The following EPB41L4A variants were observed in gnomAD, a reference collection of about 807,000 sequenced individuals.
EPB41L4A encodes band 4.1-like protein 4A.
EPB41L4A carries 100 observed loss-of-function variants against 108.6 expected under a neutral mutation model. The observed-to-expected ratio is 0.92, with a 90% confidence interval of 0.78 to 1.09. EPB41L4A has a LOEUF of 1.09. Ranked by LOEUF, EPB41L4A falls within the 50% of genes least tolerant of loss-of-function variation. The pLI is 0.00. For synonymous variants in EPB41L4A, 319 were observed against 289.0 expected (o/e 1.10, Z -1.05); for missense variants, 1,030 against 842.7 (o/e 1.22, Z -2.75).
At position 112,266,266 on chromosome 5, in the gene EPB41L4A, T is replaced by G; in HGVS notation, c.400A>C (p.Thr134Pro). 1 of 1,611,226 alleles carries G rather than the reference T, an allele frequency of 6.2e-7. No homozygotes were observed. The highest frequency in any genetic ancestry group is 8.5e-7 in the Non-Finnish European group (1 of 1,178,962). Reference sequence around the variant, plus strand: ...GCATACGCTCCCAGCTGAGCAGCAGTGTTGACGGGACAGGGCAGACGGCCC... The same window carrying G: ...GCATACGCTCCCAGCTGAGCAGCAGGGTTGACGGGACAGGGCAGACGGCCC... ...LQGRLPCPVN[T>P]AAQLGAYAIQ... Residue 134 changes from threonine to proline, a missense_variant, in exon 5 of 23, where the codon ACT becomes CCT. Coordinates refer to ENST00000261486, the MANE Select transcript of EPB41L4A (RefSeq NM_022140.5).
intron 1 of EPB41L4A, among the ~76,000 whole-genome samples, chr5:112,312,116 T>C (rs1029725031): frequency 2.6e-5 from 4 of 152,206 alleles, no homozygotes; most frequent in Admixed American, 2.6e-4. Flanking sequence ...CAAATAAAGA[T>C]AATAGATTTA....
chr5:112,283,315 A>G (rs889891897), intron 2 of EPB41L4A, among the ~76,000 whole-genome samples: 2 of 152,186 alleles, frequency 1.3e-5, no homozygotes, highest in African/African-American at 2.4e-5. Context: ...ATAAATGCCC[A>G]AGAACATAAA....
chr5:112,403,015 C>A (rs1761868243), intron 1 of EPB41L4A, among the ~76,000 whole-genome samples: 1 of 145,928 alleles, frequency 6.9e-6, no homozygotes. Context: ...CACACACACA[C>A]ACACAAAACC....
intron 2 of EPB41L4A, among the ~76,000 whole-genome samples, chr5:112,291,093 C>A (rs139579704): frequency 6.6e-6 from 1 of 152,292 alleles, no homozygotes; most frequent in African/African-American, 2.4e-5. Flanking sequence ...TCAAACCCAA[C>A]ATATGCAAAT....
At chr5:112,212,794 G>T (rs956139462) in intron 12 of EPB41L4A, among the ~76,000 whole-genome samples, 2 of 152,008 alleles carry the variant, frequency 1.3e-5, no homozygotes, top group African/African-American at 4.8e-5. Context: ...GCTGAGTAAA[G>T]GTGAACATCC....
Position 112,392,401 on chromosome 5 carries a change from C to CAAA in EPB41L4A, c.99+26537_99+26539dup, listed in dbSNP as rs56256606. On this transcript the variant is annotated intron_variant, in intron 1 of 22. Coordinates refer to ENST00000261486, the MANE Select transcript of EPB41L4A (RefSeq NM_022140.5). ...GAAGATCTACCAAGCAAATGGAAAG[C>CAAA]AAAAAAAAAAAAAAAAAAAAAAAGC... 6.8e-3 allele frequency among the ~76,000 whole-genome samples: 243 copies of CAAA among 35,826 alleles called. 1 individual carries two copies. Among genetic ancestry groups the CAAA allele is most frequent in the East Asian group, 0.013 (11 of 830 alleles). 23.5% of individuals were successfully genotyped at this position (35,826 alleles called of 152,430 possible).
intron 1 of EPB41L4A, among the ~76,000 whole-genome samples, chr5:112,381,209 T>C (rs1194849482): frequency 6.6e-6 from 1 of 152,196 alleles, no homozygotes; most frequent in African/African-American, 2.4e-5. Context: ...GGTTTTTAAA[T>C]CAAATGAGAT....
At chr5:112,352,428 G>A (rs1251495065) in intron 1 of EPB41L4A, among the ~76,000 whole-genome samples, 1 of 152,112 alleles carries the variant, frequency 6.6e-6, no homozygotes, top group Admixed American at 6.5e-5. Context: ...AGCTCCTCAT[G>A]TTATTGATTT....
At chr5:112,392,754 C>A (rs1299166290) in intron 1 of EPB41L4A, 7 of 152,206 alleles carry the variant, frequency 4.6e-5, no homozygotes, top group Non-Finnish European at 1.0e-4. Flanking sequence ...TAGACATCTA[C>A]AGAACTCTCC....
At chr5:112,348,899 T>C (rs1340739703) in intron 1 of EPB41L4A, among the ~76,000 whole-genome samples, 4 of 152,186 alleles carry the variant, frequency 2.6e-5, no homozygotes, top group Admixed American at 2.6e-4. Context: ...CTGAGGAGTT[T>C]CAAATGAAGA....
At chr5:112,296,522 T>A (rs1285208603) in intron 2 of EPB41L4A, among the ~76,000 whole-genome samples, 1 of 152,180 alleles carries the variant, frequency 6.6e-6, no homozygotes, top group African/African-American at 2.4e-5. Flanking sequence ...TCCAGGAATA[T>A]ATTATAATGG....
chr5:112,323,459 G>C (rs1428168830), intron 1 of EPB41L4A, among the ~76,000 whole-genome samples: 4 of 152,154 alleles, frequency 2.6e-5, no homozygotes, highest in African/African-American at 9.7e-5. Flanking sequence ...AGGGAACTCT[G>C]ACCCAAGAAG....
intron 9 of EPB41L4A, among the ~76,000 whole-genome samples, chr5:112,244,211 G>C (rs993407902): frequency 5.9e-5 from 9 of 152,196 alleles, no homozygotes; most frequent in Admixed American, 6.5e-5. Flanking sequence ...GACAGGGAGA[G>C]AGACAGGGAA....
chr5:112,312,099 G>T (rs1010261332), intron 1 of EPB41L4A, among the ~76,000 whole-genome samples: 1 of 152,178 alleles, frequency 6.6e-6, no homozygotes, highest in African/African-American at 2.4e-5. Context: ...AGAAATGTTA[G>T]GGTTTTCAAA....
chr5:112,239,716 A>G lies in EPB41L4A; in HGVS notation c.909T>C (p.Asn303=), dbSNP rs761235022. ...TFFRMPENES[N]SLSRKLSKFG... ...ACTTGCTGAGTTTTCTTGACAGTGA[A>G]TTGGATTCATTTTCTGGCATTCTAA... The change falls in exon 11 of 23, where the codon AAT becomes AAC. Residue 303 remains asparagine, a synonymous_variant. Transcript: ENST00000261486. 6.2e-7 allele frequency: 1 copy of G among 1,609,346 alleles called. No homozygotes were observed. Among genetic ancestry groups the G allele is most frequent in the Non-Finnish European group, 8.5e-7 (1 of 1,177,596 alleles).
intron 12 of EPB41L4A, among the ~76,000 whole-genome samples, chr5:112,231,770 C>A (rs956930396): frequency 2.7e-5 from 3 of 110,742 alleles, no homozygotes; most frequent in African/African-American, 1.0e-4. Context: ...CCGGCCTGGG[C>A]GACAGAGCTA....
chr5:112,169,336 G>A lies in EPB41L4A; in HGVS notation c.1740-231C>T, dbSNP rs530913498. Among the ~76,000 whole-genome samples the A allele has an allele frequency of 3.1e-4, 47 of 152,046 alleles. 1 individual carries two copies. The highest frequency in any genetic ancestry group is 5.4e-4 in the Non-Finnish European group (37 of 68,020). ...TATTTGTGTGTATACATATATATATGTATGTATGTATATTTTTTAACAACC... is the reference window on the plus strand; with the variant it reads ...TATTTGTGTGTATACATATATATATATATGTATGTATATTTTTTAACAACC... On this transcript the variant is annotated intron_variant, in intron 20 of 22. Coordinates refer to ENST00000261486, the MANE Select transcript of EPB41L4A (RefSeq NM_022140.5).
chr5:112,217,879 T>C (rs1747763904), intron 12 of EPB41L4A, among the ~76,000 whole-genome samples: 1 of 152,110 alleles, frequency 6.6e-6, no homozygotes, highest in African/African-American at 2.4e-5. Context: ...AGAAAGATGC[T>C]AGGAAAACAT....
chr5:112,204,317 G>T, intron 15 of EPB41L4A, 58 bp downstream of exon 15: 1 of 1,160,696 alleles, frequency 8.6e-7, no homozygotes, highest in Non-Finnish European at 1.3e-6. Flanking sequence ...ATAAAGTCAG[G>T]CCTGGGACAA....
Sources: gnomAD v4.1 joint callset for allele counts (sites outside exome capture counted in the v4.1 genomes callset) on GRCh38, gnomAD v4.1.1 for gene constraint, MANE v1.5 for transcripts, NCBI Gene and HGNC (gene_info 2026-07-23, HGNC 2026-07-21) for gene names.